Variants in TMPRSS7 observed in about 807,000 individuals in gnomAD.
TMPRSS7 encodes transmembrane protease serine 7.
Under a neutral mutation model 95.6 loss-of-function variants are expected in TMPRSS7, and 81 were observed. The observed-to-expected ratio is 0.85, with a 90% CI of 0.71 to 1.02. The LOEUF is 1.02. TMPRSS7 is among the 50% of genes least tolerant of loss of function. TMPRSS7 has a pLI of 0.00. For synonymous variants in TMPRSS7, 364 were observed against 337.8 expected (o/e 1.08, Z -0.85); for missense variants, 945 against 955.2 (o/e 0.99, Z 0.14).
Position 112,073,790 on chromosome 3 carries a change from A to G in TMPRSS7, c.1667-506A>G, listed in dbSNP as rs114361557. ...AGGATTGTAGGATACAGAGGACCTG[A>G]TGTAGAGGAACTTGCCAAATACTGG... On this transcript the variant is annotated intron_variant, in intron 13 of 17. Coordinates refer to ENST00000452346, the Ensembl canonical transcript of TMPRSS7. Among the ~76,000 whole-genome samples, 1,241 of 152,308 alleles carry G rather than the reference A, an allele frequency of 8.1e-3. 18 individuals are homozygous for G. The highest frequency in any genetic ancestry group is 0.028 in the African/African-American group (1,180 of 41,566).
In TMPRSS7 at chr3:112,047,727, C is replaced by T; in HGVS notation, c.731-12C>T. 3 of 1,563,178 alleles carry T rather than the reference C, an allele frequency of 1.9e-6. No individual in the cohort carries two copies. The highest frequency in any genetic ancestry group is 2.6e-6 in the Non-Finnish European group (3 of 1,142,308). ...AAAAAGAAAATAAAGGAAAATGGTG[C>T]TGTCTCCACAGACAAAGGCTGCTCT... On this transcript the variant is annotated splice_polypyrimidine_tract_variant and intron_variant, in intron 6 of 17. Transcript: ENST00000452346.
chr3:112,042,174 A>C, intron 3 of TMPRSS7, 124 bp downstream of exon 3: 1 of 659,896 alleles, frequency 1.5e-6, no homozygotes, highest in Non-Finnish European at 2.5e-6. Context: ...GGCAGGGTAG[A>C]CAAAGGAAGG....
At chr3:112,042,184 G>A in intron 3 of TMPRSS7, 134 bp downstream of exon 3, 2 of 604,540 alleles carry the variant, frequency 3.3e-6, no homozygotes, top group Non-Finnish European at 5.6e-6. Context: ...ACAAAGGAAG[G>A]TGTCAGAAGA....
chr3:112,072,782 A>G (rs2073666691), intron 13 of TMPRSS7, among the ~76,000 whole-genome samples: 1 of 152,252 alleles, frequency 6.6e-6, no homozygotes, highest in Admixed American at 6.5e-5. Flanking sequence ...CAAGCCAGGC[A>G]TATGTGCCAC....
At chr3:112,073,863 T>C (rs1170594657) in intron 13 of TMPRSS7, among the ~76,000 whole-genome samples, 1 of 152,130 alleles carries the variant, frequency 6.6e-6, no homozygotes, top group African/African-American at 2.4e-5. Flanking sequence ...ACCTCCAAGG[T>C]TGTGAACAAA....
chr3:112,038,209 G>A (rs2073169107), exon 2 of TMPRSS7: 1 of 702,666 alleles, frequency 1.4e-6, no homozygotes, highest in Non-Finnish European at 2.6e-6. Context: ...AACCCAAGAA[G>A]CAATCCAAGA....
At chr3:112,067,914 G>C (rs1473683295) in intron 13 of TMPRSS7, among the ~76,000 whole-genome samples, 1 of 152,190 alleles carries the variant, frequency 6.6e-6, no homozygotes, top group Non-Finnish European at 1.5e-5. Context: ...CCATGCCTAT[G>C]TCCTGAATGG....
intron 12 of TMPRSS7, among the ~76,000 whole-genome samples, chr3:112,064,106 T>C (rs190256737): frequency 6.6e-6 from 1 of 152,334 alleles, no homozygotes; most frequent in African/African-American, 2.4e-5. Flanking sequence ...AAATTCACTC[T>C]GTACACCTTG....
rs569323495 is a variant in TMPRSS7, at chr3:112,056,563, A to G, written c.1204-462A>G. 5.9e-5 allele frequency among the ~76,000 whole-genome samples: 9 copies of G among 152,300 alleles called. No homozygotes were observed. The South Asian group carries it at 1.2e-3, about 21-fold the overall frequency. Reference sequence around the variant, plus strand: ...CAGCTTTCTCTTCTGAGGTCTTCCAAGAAGATCTAGGGGTGACTCACTAAC... The same window carrying G: ...CAGCTTTCTCTTCTGAGGTCTTCCAGGAAGATCTAGGGGTGACTCACTAAC... On this transcript the variant is annotated intron_variant, in intron 9 of 17. Coordinates refer to ENST00000452346, the Ensembl canonical transcript of TMPRSS7.
At chr3:112,069,055 G>T (rs765766088) in intron 13 of TMPRSS7, among the ~76,000 whole-genome samples, 1 of 152,140 alleles carries the variant, frequency 6.6e-6, no homozygotes, top group Non-Finnish European at 1.5e-5. Context: ...TTTGTCAAAG[G>T]CCTTTTCTGC....
At chr3:112,078,038 C>CA in intron 16 of TMPRSS7, among the ~76,000 whole-genome samples, 2 of 152,310 alleles carry the variant, frequency 1.3e-5, no homozygotes, top group South Asian at 4.1e-4. Context: ...TTCTCAAAGG[C>CA]AGCTTCTCAG....
At chr3:112,075,207 G>A (rs1294827244) in intron 14 of TMPRSS7, 114 bp from the exon 15 acceptor site, 27 of 1,061,908 alleles carry the variant, frequency 2.5e-5, no homozygotes, top group East Asian at 1.8e-4. Context: ...TCTAGATAAG[G>A]AGATTTCAAA....
intron 13 of TMPRSS7, among the ~76,000 whole-genome samples, chr3:112,067,630 T>C (rs1002735131): frequency 6.6e-6 from 1 of 152,264 alleles, no homozygotes; most frequent in African/African-American, 2.4e-5. Flanking sequence ...AATGTCTTCT[T>C]TTGAGAAGTG....
chr3:112,037,609 C>G (rs887549849), intron 1 of TMPRSS7, among the ~76,000 whole-genome samples: 5 of 152,088 alleles, frequency 3.3e-5, no homozygotes, highest in African/African-American at 7.2e-5. Flanking sequence ...TGGCCCACAC[C>G]CTATTCATAC....
At position 112,047,840 on chromosome 3, in the gene TMPRSS7, G is replaced by T. The variant is rs1311902654; in HGVS notation, c.832G>T (p.Val278Leu). Residue 278 changes from valine to leucine, a missense_variant, in exon 7 of 18, where the codon GTG (valine) becomes TTG (leucine). Val to Leu is a conservative substitution (Grantham distance 32, BLOSUM62 1). Transcript: ENST00000452346. ...GAGGCTGATGTGTCACTTCAAGCTG[G>T]TGGCCATAGTGGGCTACCTGATTCG... is the stretch of plus-strand genomic sequence containing the variant. The T allele has an allele frequency of 2.5e-6, 4 of 1,614,022 alleles. No individual in the cohort carries two copies. Among genetic ancestry groups the T allele is most frequent in the Admixed American group, 3.3e-5 (2 of 59,986 alleles).
intron 11 of TMPRSS7, among the ~76,000 whole-genome samples, 157 bp downstream of exon 11, chr3:112,062,080 A>G (rs1251275047): frequency 6.6e-6 from 1 of 151,358 alleles, no homozygotes; most frequent in East Asian, 1.9e-4. Context: ...ATTATAAAAT[A>G]CAAATAAATA....
intron 10 of TMPRSS7, 109 bp from the exon 11 acceptor site, chr3:112,061,678 C>G: frequency 1.6e-6 from 2 of 1,243,366 alleles, no homozygotes; most frequent in Non-Finnish European, 2.2e-6. Flanking sequence ...CCATACGCAT[C>G]TCTGTTTGTG....
At chr3:112,049,995 G>A (rs779932008) in intron 8 of TMPRSS7, 21 bp downstream of exon 8, 13 of 1,524,126 alleles carry the variant, frequency 8.5e-6, no homozygotes. Flanking sequence ...CCCAATTATG[G>A]AGAAGTCACT....
intron 3 of TMPRSS7, 83 bp from the exon 4 acceptor site, chr3:112,044,172 G>A: frequency 1.1e-6 from 1 of 936,120 alleles, no homozygotes; most frequent in Non-Finnish European, 1.7e-6. Context: ...CTGGCTGTCA[G>A]AGCTTGGGCC....
Sources: gnomAD v4.1 joint callset for allele counts (sites outside exome capture counted in the v4.1 genomes callset) on GRCh38, gnomAD v4.1.1 for gene constraint, MANE v1.5 for transcripts, NCBI Gene and HGNC (gene_info 2026-07-23, HGNC 2026-07-21) for gene names.